Variants in PRKCZ observed in about 807,000 individuals in gnomAD.
PRKCZ encodes protein kinase C zeta type.
A neutral mutation model predicts 79.5 loss-of-function variants in PRKCZ; 33 were observed. The observed-to-expected ratio is 0.41, with a 90% CI of 0.31 to 0.55. The LOEUF is 0.55. Ranked by LOEUF, PRKCZ falls within the 20% of genes least tolerant of loss-of-function variation. The probability of loss-of-function intolerance (pLI) is 0.19; values close to 1 mark genes in which losing one functional copy is unlikely to be tolerated. For missense variants in PRKCZ, 578 were observed against 813.5 expected, an observed-to-expected ratio of 0.71 and a Z score of 3.52; for synonymous variants, 342 against 320.9, an observed-to-expected ratio of 1.07 and a Z score of -0.70.
chr1:2,185,015 C>T lies in PRKCZ; in HGVS notation c.*6C>T, dbSNP rs190441951. 5.5e-5 allele frequency: 88 copies of T among 1,609,202 alleles called. No homozygotes were observed. In the Admixed American group the frequency reaches 1.1e-3, roughly 21 times the overall value. On this transcript the variant is annotated 3_prime_UTR_variant, in exon 18 of 18. Coordinates refer to ENST00000378567, the MANE Select transcript of PRKCZ (RefSeq NM_002744.6). ...CCACCGAGGAGTCGGTGTGAGGCCG[C>T]GTGCGTCTCTGTCGTGGACACGCGT...
At chr1:2,162,648 A>G (rs1000410749) in intron 10 of PRKCZ, among the ~76,000 whole-genome samples, 1 of 151,674 alleles carries the variant, frequency 6.6e-6, no homozygotes, top group Non-Finnish European at 1.5e-5. Flanking sequence ...GGGTCTTGCT[A>G]TGTTGCCCAA....
intron 16 of PRKCZ, among the ~76,000 whole-genome samples, chr1:2,180,227 G>T (rs1424443158): frequency 6.6e-6 from 1 of 152,216 alleles, no homozygotes; most frequent in Non-Finnish European, 1.5e-5. Flanking sequence ...CAGGCGTGGG[G>T]CCTCTAGCTG....
rs766695852 is a variant in PRKCZ, at chr1:2,169,469, C to A, written c.975-49C>A. 65 of 1,502,678 alleles carry A rather than the reference C, an allele frequency of 4.3e-5. No homozygotes were observed. In the African/African-American group the frequency reaches 8.3e-4, roughly 19 times the overall value. The allele number at this position is 1,502,678 out of a possible 1,614,324, so 93.1% of individuals were successfully genotyped here. The stretch of plus-strand genomic sequence containing the variant: ...TCTGTGGGGCTTCTGTCTAAGGAGG[C>A]CGCCGTCTGCCGAGGTGACTGCAGC... On this transcript the variant is annotated intron_variant, in intron 10 of 17. Transcript: ENST00000378567.
At chr1:2,180,728 C>A (rs1161272769) in intron 16 of PRKCZ, among the ~76,000 whole-genome samples, 1 of 152,210 alleles carries the variant, frequency 6.6e-6, no homozygotes, top group Non-Finnish European at 1.5e-5. Context: ...ATGACCGCTG[C>A]TGTGCTGCCA....
intron 5 of PRKCZ, among the ~76,000 whole-genome samples, chr1:2,135,834 T>A (rs1428803447): frequency 6.6e-6 from 1 of 152,250 alleles, no homozygotes; most frequent in Non-Finnish European, 1.5e-5. Flanking sequence ...CAGAGGACAC[T>A]TAGCTTATTT....
In PRKCZ at chr1:2,148,935, G is replaced by A. The variant is rs1679289075; in HGVS notation, c.687+11G>A. 2 of 1,613,338 alleles carry A rather than the reference G, an allele frequency of 1.2e-6. No individual in the cohort carries two copies. Among genetic ancestry groups the A allele is most frequent in the Non-Finnish European group, 1.7e-6 (2 of 1,179,320 alleles). On this transcript the variant is annotated intron_variant, in intron 8 of 17. Transcript: ENST00000378567. ...AAAGACGACTCGGAGGTGAGTGTGT[G>A]GAGCAGCTCGCTGCCATTTCCGACG...
chr1:2,091,220 C>T lies in PRKCZ; in HGVS notation c.334+31629C>T, dbSNP rs547440245. Among the ~76,000 whole-genome samples, 10 of 152,212 alleles carry T rather than the reference C, an allele frequency of 6.6e-5. No individual in the cohort carries two copies. In the East Asian group the frequency reaches 1.4e-3, roughly 21 times the overall value. On this transcript the variant is annotated intron_variant, in intron 4 of 17. Transcript: ENST00000378567. ...CTAATTTTTGTATTTTTAGTAGAGA[C>T]GGGTTGGGGTTTTACCACGTTGGCC...
At chr1:2,147,973 C>A (rs1679003556) in intron 7 of PRKCZ, among the ~76,000 whole-genome samples, 1 of 151,110 alleles carries the variant, frequency 6.6e-6, no homozygotes, top group South Asian at 2.1e-4. Flanking sequence ...CTCCATCTAT[C>A]CATCTATTGT....
chr1:2,157,226 G>T (rs1222309591), intron 10 of PRKCZ, among the ~76,000 whole-genome samples: 1 of 152,100 alleles, frequency 6.6e-6, no homozygotes, highest in Admixed American at 6.6e-5. Flanking sequence ...TTCAGGGAGG[G>T]CCGTCTGCTT....
At chr1:2,110,865 G>A (rs895231667) in intron 4 of PRKCZ, among the ~76,000 whole-genome samples, 1 of 152,038 alleles carries the variant, frequency 6.6e-6, no homozygotes, top group Admixed American at 6.6e-5. Flanking sequence ...AGTGGACTCT[G>A]TGGGGCCAGG....
At chr1:2,132,002 G>A (rs574792711) in intron 4 of PRKCZ, among the ~76,000 whole-genome samples, 7 of 152,104 alleles carry the variant, frequency 4.6e-5, no homozygotes, top group Non-Finnish European at 8.8e-5. Context: ...TAGTAGAGAC[G>A]GGGTTTCACC....
intron 4 of PRKCZ, among the ~76,000 whole-genome samples, chr1:2,126,333 G>A (rs950177108): frequency 1.1e-4 from 16 of 152,186 alleles, no homozygotes; most frequent in Non-Finnish European, 5.9e-5. Context: ...GGGGCTGCCC[G>A]GCTGGGGTCG....
chr1:2,166,107 C>T (rs1018274892), intron 10 of PRKCZ, among the ~76,000 whole-genome samples: 3 of 152,158 alleles, frequency 2.0e-5, no homozygotes, highest in South Asian at 2.1e-4. Context: ...GCGTTCTTCA[C>T]GTTTGTGTAT....
chr1:2,168,088 G>C lies in PRKCZ; in HGVS notation c.975-1430G>C, dbSNP rs932586288. The stretch of plus-strand genomic sequence containing the variant: ...GCACATCGAGGGCACCCTCAGAGCT[G>C]CTCTTTCTGTCATTGCTATTTTGTT... On this transcript the variant is annotated intron_variant, in intron 10 of 17. Transcript: ENST00000378567. The surrounding 1 kb of genome is among the most constrained non-coding windows in gnomAD (Gnocchi z 4.7). 6.6e-6 allele frequency among the ~76,000 whole-genome samples: 1 copy of C among 152,166 alleles called. No individual in the cohort carries two copies. Among genetic ancestry groups the C allele is most frequent in the South Asian group, 2.1e-4 (1 of 4,828 alleles).
Position 2,094,688 on chromosome 1 carries a change from G to A in PRKCZ, c.334+35097G>A, listed in dbSNP as rs1466810643. ...CCTTGGGCGCTGCCCGTTCTGAGGC[G>A]CCCGCTGTGCCCGGCTCGTTGAACC... On this transcript the variant is annotated intron_variant, in intron 4 of 17. Transcript: ENST00000378567. The surrounding 1 kb of genome is among the most constrained non-coding windows in gnomAD (Gnocchi z 7.3). 5.8e-5 allele frequency among the ~76,000 whole-genome samples: 8 copies of A among 137,742 alleles called. No individual in the cohort carries two copies. The highest frequency in any genetic ancestry group is 2.3e-4 in the East Asian group (1 of 4,394). The allele number at this position is 137,742 out of a possible 152,430, so 90.4% of individuals were successfully genotyped here. A position where few individuals can be genotyped will look rare whatever the true frequency, so the allele number is the denominator to read the frequency against.
intron 4 of PRKCZ, among the ~76,000 whole-genome samples, chr1:2,109,037 C>T (rs565663154): frequency 1.3e-5 from 2 of 152,324 alleles, no homozygotes; most frequent in South Asian, 4.1e-4. Flanking sequence ...ATACAGCCGC[C>T]CCCCCATCCC....
Position 2,059,572 on chromosome 1 carries a change from GC to G in PRKCZ, c.317del (p.Pro106HisfsTer73), listed in dbSNP as rs1246074122. The G allele has an allele frequency of 6.2e-7, 1 of 1,614,222 alleles. No homozygotes were observed. Among genetic ancestry groups the G allele is most frequent in the Non-Finnish European group, 8.5e-7 (1 of 1,180,034 alleles). Reference sequence around the variant, plus strand: ...CGAGCACCCCTGAGCAGCCTGGCCTGCCATGTCCGGGAGAAGACAGTGAGTA... The same window carrying G: ...CGAGCACCCCTGAGCAGCCTGGCCTGCATGTCCGGGAGAAGACAGTGAGTA... ...FPSTPEQPGL[P>X]CPGEDKSIYR... On this transcript the variant is annotated frameshift_variant, in exon 4 of 18. Transcript: ENST00000378567. LOFTEE classifies it high-confidence loss of function.
At position 2,129,345 on chromosome 1, in the gene PRKCZ, G is replaced by A. The variant is rs1006144516; in HGVS notation, c.335-5917G>A. Among the ~76,000 whole-genome samples, 6 of 152,134 alleles carry A rather than the reference G, an allele frequency of 3.9e-5. No individual in the cohort carries two copies. The East Asian group carries it at 5.8e-4, about 15-fold the overall frequency. On this transcript the variant is annotated intron_variant, in intron 4 of 17. Transcript: ENST00000378567. Reference sequence around the variant, plus strand: ...AATATCAGGCCAGTCCTAACGGAGGGGCGTCCTGCAGACACCCAGCCTGCA... The same window carrying A: ...AATATCAGGCCAGTCCTAACGGAGGAGCGTCCTGCAGACACCCAGCCTGCA...
chr1:2,141,253 G>A (rs1439045502), intron 5 of PRKCZ: 1 of 152,154 alleles, frequency 6.6e-6, no homozygotes, highest in African/African-American at 2.4e-5. Context: ...CTTGTCAGCA[G>A]ATGTCCTGGC....
Sources: allele counts gnomAD v4.1 joint callset (sites outside exome capture counted in the v4.1 genomes callset), GRCh38; gene constraint gnomAD v4.1.1; non-coding constraint Gnocchi (gnomAD v3.1); transcripts MANE v1.5; gene names NCBI Gene and HGNC (gene_info 2026-07-23, HGNC 2026-07-21).